The following RCAN2 variants were observed in gnomAD, a reference collection of about 807,000 sequenced individuals.
The protein encoded by RCAN2 is regulator of calcineurin 2, also known as calcipressin-2.
RCAN2 carries 9 observed loss-of-function variants against 23.6 expected under a neutral mutation model. The observed-to-expected ratio is 0.38, with a 90% CI of 0.23 to 0.67. RCAN2 has a LOEUF of 0.67. Ranked by LOEUF, RCAN2 falls within the 30% of genes least tolerant of loss-of-function variation. The pLI, the probability that RCAN2 is intolerant of heterozygous loss-of-function variation, is 0.51. For synonymous variants in RCAN2, 109 were observed against 115.7 expected, an observed-to-expected ratio of 0.94 and a Z score of 0.37; for missense variants, 273 against 302.3, an observed-to-expected ratio of 0.90 and a Z score of 0.72.
At chr6:46,224,264 T>C (rs1404695563) in intron 4 of RCAN2, among the ~76,000 whole-genome samples, 1 of 152,168 alleles carries the variant, frequency 6.6e-6, no homozygotes, top group Non-Finnish European at 1.5e-5. Context: ...ATTGTTGACA[T>C]ACTAATCTTA....
intron 2 of RCAN2, among the ~76,000 whole-genome samples, chr6:46,257,877 T>C (rs1415780118): frequency 2.0e-5 from 3 of 152,214 alleles, no homozygotes; most frequent in African/African-American, 7.2e-5. Flanking sequence ...CACTGATACA[T>C]GCAGAGGAGT....
intron 1 of RCAN2, among the ~76,000 whole-genome samples, chr6:46,467,681 A>G (rs1305762538): frequency 6.6e-6 from 1 of 152,260 alleles, no homozygotes; most frequent in East Asian, 1.9e-4. Flanking sequence ...TCTGGGCACC[A>G]TATGCAATGT....
intron 2 of RCAN2, among the ~76,000 whole-genome samples, chr6:46,390,899 G>A (rs1395648919): frequency 6.6e-6 from 1 of 152,150 alleles, no homozygotes; most frequent in African/African-American, 2.4e-5. Flanking sequence ...AAATGAATGC[G>A]AAGTGCCCAG....
At chr6:46,397,933 C>T (rs1368471581) in intron 2 of RCAN2, among the ~76,000 whole-genome samples, 2 of 152,154 alleles carry the variant, frequency 1.3e-5, no homozygotes, top group Non-Finnish European at 2.9e-5. Context: ...GGTAAATAGA[C>T]TTATTTAAGT....
At chr6:46,471,071 T>C (rs2150441377) in intron 1 of RCAN2, among the ~76,000 whole-genome samples, 1 of 152,206 alleles carries the variant, frequency 6.6e-6, no homozygotes, top group Non-Finnish European at 1.5e-5. Flanking sequence ...ATGTCTCTGA[T>C]CAATAAGGAA....
intron 1 of RCAN2, among the ~76,000 whole-genome samples, chr6:46,470,504 T>C (rs1380161453): frequency 6.6e-6 from 1 of 152,232 alleles, no homozygotes; most frequent in Non-Finnish European, 1.5e-5. Flanking sequence ...TGCTTGTCTT[T>C]TTGAGGAACT....
intron 1 of RCAN2, among the ~76,000 whole-genome samples, chr6:46,471,102 A>T (rs187385279): frequency 4.1e-4 from 62 of 152,320 alleles, no homozygotes; most frequent in African/African-American, 1.4e-3. Flanking sequence ...CTGGTAAGGA[A>T]GAGAGAGTGT....
At chr6:46,385,145 T>C (rs1765708383) in intron 2 of RCAN2, among the ~76,000 whole-genome samples, 1 of 152,218 alleles carries the variant, frequency 6.6e-6, no homozygotes, top group Admixed American at 6.5e-5. Context: ...TTTCAAAGCT[T>C]ATGTTCTTTC....
At chr6:46,344,738 A>T (rs1027545270) in intron 2 of RCAN2, among the ~76,000 whole-genome samples, 2 of 152,000 alleles carry the variant, frequency 1.3e-5, no homozygotes, top group African/African-American at 4.8e-5. Context: ...CACAAGAGGG[A>T]TCAAATGGAA....
intron 2 of RCAN2, among the ~76,000 whole-genome samples, chr6:46,342,028 G>C (rs1764335925): frequency 6.6e-6 from 1 of 152,104 alleles, no homozygotes. Context: ...GGTGCCTTTG[G>C]TTATGGAGGG....
intron 2 of RCAN2, among the ~76,000 whole-genome samples, chr6:46,359,192 A>T (rs919112999): frequency 1.3e-5 from 2 of 152,206 alleles, no homozygotes; most frequent in African/African-American, 4.8e-5. Context: ...CACTGCTCTA[A>T]GGCGTAACAG....
At chr6:46,232,149 T>C (rs1366902315) in intron 4 of RCAN2, among the ~76,000 whole-genome samples, 1 of 152,242 alleles carries the variant, frequency 6.6e-6, no homozygotes, top group Admixed American at 6.5e-5. Flanking sequence ...ATCACTTTGC[T>C]ATCCTGCCCT....
intron 2 of RCAN2, among the ~76,000 whole-genome samples, chr6:46,316,518 A>T (rs1397440892): frequency 6.6e-6 from 1 of 152,198 alleles, no homozygotes; most frequent in East Asian, 1.9e-4. Context: ...TTTAGAGGTC[A>T]TAACAGCATC....
At chr6:46,361,556 C>T (rs1364149572) in intron 2 of RCAN2, among the ~76,000 whole-genome samples, 1 of 152,184 alleles carries the variant, frequency 6.6e-6, no homozygotes, top group Non-Finnish European at 1.5e-5. Flanking sequence ...GAAAATACGT[C>T]TAGATTGCAG....
intron 2 of RCAN2, among the ~76,000 whole-genome samples, chr6:46,366,694 G>C (rs937932145): frequency 2.6e-5 from 4 of 151,878 alleles, no homozygotes; most frequent in Non-Finnish European, 4.4e-5. Context: ...CACCTGGCCT[G>C]ACTTCAGCAG....
At chr6:46,428,226 T>C (rs988785442) in intron 2 of RCAN2, among the ~76,000 whole-genome samples, 1 of 152,164 alleles carries the variant, frequency 6.6e-6, no homozygotes, top group East Asian at 1.9e-4. Context: ...CAATGAGAGG[T>C]AAGTGAAGAT....
rs191712858 is a variant in RCAN2, at chr6:46,286,323, A to G, written c.226-37427T>C. ...CTCTCCATAAATCCTTTTTGACTAC[A>G]TGGCGGTGGCAATTTGCAAATTGTT... On this transcript the variant is annotated intron_variant, in intron 2 of 4. Transcript: ENST00000371374. Among the ~76,000 whole-genome samples the G allele has an allele frequency of 5.4e-3, 829 of 152,240 alleles. 4 individuals are homozygous for G. Among genetic ancestry groups the G allele is most frequent in the African/African-American group, 0.018 (764 of 41,532 alleles).
At chr6:46,387,968 C>A (rs1254983722) in intron 2 of RCAN2, among the ~76,000 whole-genome samples, 1 of 152,058 alleles carries the variant, frequency 6.6e-6, no homozygotes, top group African/African-American at 2.4e-5. Flanking sequence ...ATGGATGAAG[C>A]TGGAAACCAT....
At chr6:46,282,656 A>G (rs1762238730) in intron 2 of RCAN2, among the ~76,000 whole-genome samples, 1 of 152,214 alleles carries the variant, frequency 6.6e-6, no homozygotes, top group African/African-American at 2.4e-5. Context: ...CCACTGATCT[A>G]GAGCTTAGGA....
Sources: allele counts gnomAD v4.1 joint callset (sites outside exome capture counted in the v4.1 genomes callset), GRCh38; gene constraint gnomAD v4.1.1; transcripts MANE v1.5; gene names NCBI Gene and HGNC (gene_info 2026-07-23, HGNC 2026-07-21).